The following CHAT variants were observed in gnomAD, a reference collection of about 807,000 sequenced individuals.
CHAT encodes acetyl CoA:choline O-acetyltransferase.
Under a neutral mutation model 76.9 loss-of-function variants are expected in CHAT, and 61 were observed. The ratio of observed to expected loss-of-function variants is 0.79; its 90% confidence interval spans 0.65 to 0.98. CHAT has a LOEUF of 0.98. Ranked by LOEUF, CHAT falls within the 50% of genes least tolerant of loss-of-function variation. CHAT has a pLI of 0.00. For missense variants in CHAT, 946 were observed against 986.9 expected (o/e 0.96, Z 0.56); for synonymous variants, 407 against 397.4 (o/e 1.02, Z -0.29).
chr10:49,610,969 G>A (rs369137682), upstream of CHAT: 33 of 1,611,344 alleles, frequency 2.0e-5, no homozygotes, highest in African/African-American at 4.0e-5. Flanking sequence ...GACTCCCGAG[G>A]TGTGGGAGCC....
At position 49,665,055 on chromosome 10, in the gene CHAT, A is replaced by G. The variant is rs775635830; in HGVS notation, c.*9A>G. ...AGGGACACCAACCTTGACTCCTGCC[A>G]CTAGGTTTCACCTCCCAAACCCAGC... On this transcript the variant is annotated 3_prime_UTR_variant, in exon 15 of 15. Transcript: ENST00000337653. 1.8e-5 allele frequency: 29 copies of G among 1,613,120 alleles called. No homozygotes were observed. The highest frequency in any genetic ancestry group is 2.5e-5 in the Non-Finnish European group (29 of 1,180,030).
At chr10:49,630,057 T>G (rs552215780) in intron 7 of CHAT, among the ~76,000 whole-genome samples, 2 of 152,054 alleles carry the variant, frequency 1.3e-5, no homozygotes, top group South Asian at 4.2e-4. Context: ...GGGTACAGGA[T>G]GGAGAAATCA....
upstream of CHAT, among the ~76,000 whole-genome samples, chr10:49,609,427 G>T (rs1444529745): frequency 6.6e-6 from 1 of 151,388 alleles, no homozygotes; most frequent in Non-Finnish European, 1.5e-5. Context: ...GGTCGGGTGC[G>T]AAGAGTGCCT....
At chr10:49,614,616 C>G in intron 1 of CHAT, 141 bp downstream of exon 1, 1 of 755,018 alleles carries the variant, frequency 1.3e-6, no homozygotes, top group East Asian at 2.8e-5. Flanking sequence ...CAGCAGCGGC[C>G]GTCGGGGGTC....
At chr10:49,621,983 G>C in intron 4 of CHAT, 114 bp from the exon 5 acceptor site, 1 of 1,187,704 alleles carries the variant, frequency 8.4e-7, no homozygotes. Flanking sequence ...AGAAGGGAGG[G>C]AAGAGGAAGG....
At chr10:49,616,113 A>G (rs772458983) in intron 1 of CHAT, 9 of 1,602,888 alleles carry the variant, frequency 5.6e-6, no homozygotes, top group Non-Finnish European at 7.7e-6. Flanking sequence ...ACCCTTGAGA[A>G]GCTAGTGGGA....
rs924634644 is a variant in CHAT, at chr10:49,614,135, G to T, written c.-55G>T. On this transcript the variant is annotated 5_prime_UTR_variant, in exon 1 of 15. Coordinates refer to ENST00000337653, the MANE Select transcript of CHAT (RefSeq NM_020549.5). ...CCCGAGTTCCTCCGGGAAGCGCTCCGGGTAGATTCTGGGGGCCGGGAGCTG... is the reference window on the plus strand; with the variant it reads ...CCCGAGTTCCTCCGGGAAGCGCTCCTGGTAGATTCTGGGGGCCGGGAGCTG... 27 of 1,546,406 alleles carry T rather than the reference G, an allele frequency of 1.7e-5. No homozygotes were observed. Among genetic ancestry groups the T allele is most frequent in the Middle Eastern group, 2.3e-4 (1 of 4,384 alleles).
chr10:49,646,951 G>C (rs1839691807), intron 8 of CHAT: 1 of 517,200 alleles, frequency 1.9e-6, no homozygotes, highest in Admixed American at 3.2e-5. Flanking sequence ...TGCAGCCTGT[G>C]CCAGGAAGGT....
chr10:49,611,170 C>A, upstream of CHAT: 1 of 1,614,190 alleles, frequency 6.2e-7, no homozygotes. Context: ...CTTGAGCGGG[C>A]CCTTCATCGA....
chr10:49,653,296 T>A (rs954832881), intron 11 of CHAT, among the ~76,000 whole-genome samples: 1 of 152,054 alleles, frequency 6.6e-6, no homozygotes, highest in Non-Finnish European at 1.5e-5. Context: ...TCAATTAGCC[T>A]TACAGGAGGC....
upstream of CHAT, chr10:49,611,974 C>A (rs555224844): frequency 5.6e-6 from 9 of 1,613,332 alleles, no homozygotes; most frequent in Admixed American, 3.3e-5. Flanking sequence ...GGTGGACGTG[C>A]GCCATGTCTC....
At position 49,614,118 on chromosome 10, in the gene CHAT, C is replaced by T; in HGVS notation, c.-72C>T. 1 of 1,545,698 alleles carries T rather than the reference C, an allele frequency of 6.5e-7. No individual in the cohort carries two copies. Among genetic ancestry groups the T allele is most frequent in the Non-Finnish European group, 8.7e-7 (1 of 1,146,508 alleles). On this transcript the variant is annotated 5_prime_UTR_variant, in exon 1 of 15. Transcript: ENST00000337653. ...AGAGCCTAAATTTGTTGCCCGAGTT[C>T]CTCCGGGAAGCGCTCCGGGTAGATT... is the stretch of plus-strand genomic sequence containing the variant.
chr10:49,611,291 T>G (rs775826629), upstream of CHAT: 1 of 1,609,292 alleles, frequency 6.2e-7, no homozygotes, highest in East Asian at 2.2e-5. Flanking sequence ...GCGCGCAGCC[T>G]GCAGGGCCTG....
At chr10:49,612,045 G>A, upstream of CHAT, 1 of 1,613,724 alleles carries the variant, frequency 6.2e-7, no homozygotes, top group East Asian at 2.2e-5. Context: ...ACGCGCTCGG[G>A]CCCATAGTGG....
chr10:49,645,823 A>G (rs1177781599), intron 7 of CHAT, among the ~76,000 whole-genome samples: 1 of 152,164 alleles, frequency 6.6e-6, no homozygotes, highest in African/African-American at 2.4e-5. Context: ...AGGCTAACAC[A>G]AAAGCCAGCT....
intron 8 of CHAT, 101 bp from the exon 9 acceptor site, chr10:49,648,406 G>T: frequency 1.3e-6 from 1 of 781,338 alleles, no homozygotes; most frequent in Non-Finnish European, 2.2e-6. Flanking sequence ...TGTCCCTGGA[G>T]AAGAGGTGCC....
At chr10:49,634,348 G>A (rs906836240) in intron 7 of CHAT, among the ~76,000 whole-genome samples, 8 of 152,252 alleles carry the variant, frequency 5.3e-5, no homozygotes, top group African/African-American at 1.4e-4. Context: ...CACAGAGGGT[G>A]TTGGCTAAAT....
intron 7 of CHAT, among the ~76,000 whole-genome samples, chr10:49,645,204 A>G (rs1422215088): frequency 6.6e-6 from 1 of 152,164 alleles, no homozygotes; most frequent in Non-Finnish European, 1.5e-5. Context: ...GTGGTGTGCA[A>G]CTAGGAGTCT....
At chr10:49,664,727 G>C (rs970185328) in intron 14 of CHAT, 50 bp from the exon 15 acceptor site, 1 of 1,612,884 alleles carries the variant, frequency 6.2e-7, no homozygotes, top group Non-Finnish European at 8.5e-7. Context: ...AGTCGAGGCT[G>C]GCGGGCTGCA....
Sources: gnomAD v4.1 joint callset for allele counts (sites outside exome capture counted in the v4.1 genomes callset) on GRCh38, gnomAD v4.1.1 for gene constraint, MANE v1.5 for transcripts, NCBI Gene and HGNC (gene_info 2026-07-23, HGNC 2026-07-21) for gene names.